CACNA1C: variants seen among roughly 807,000 people sequenced by gnomAD.
The protein encoded by CACNA1C is voltage-dependent L-type calcium channel subunit alpha-1C.
In CACNA1C, 30 loss-of-function variants were observed where a neutral mutation model predicts 229.0. That is an observed-to-expected ratio of 0.13 (90% CI 0.10 to 0.18). The LOEUF (loss-of-function observed/expected upper bound fraction) is 0.18, where lower values mean the gene tolerates loss of function less well. Ranked by LOEUF, CACNA1C falls within the 10% of genes least tolerant of loss-of-function variation. The probability of loss-of-function intolerance (pLI) is 1.00; values close to 1 mark genes in which losing one functional copy is unlikely to be tolerated. For missense variants in CACNA1C, 1,658 were observed against 2,845.0 expected (o/e 0.58, Z 9.49); for synonymous variants, 1,114 against 1,132.5 (o/e 0.98, Z 0.33).
intron 9 of CACNA1C, among the ~76,000 whole-genome samples, chr12:2,523,316 A>T (rs2099813418): frequency 6.6e-6 from 1 of 152,142 alleles, no homozygotes; most frequent in South Asian, 2.1e-4. Context: ...ATGGTTTAAG[A>T]GGCAGTTTTG....
intron 3 of CACNA1C, among the ~76,000 whole-genome samples, chr12:2,163,778 T>C (rs2096053136): frequency 6.6e-6 from 1 of 152,068 alleles, no homozygotes; most frequent in South Asian, 2.1e-4. Context: ...GGCATTCCAG[T>C]GATGATGATG....
intron 5 of CACNA1C, among the ~76,000 whole-genome samples, chr12:2,477,861 C>T (rs1417226894): frequency 1.3e-5 from 2 of 152,006 alleles, no homozygotes; most frequent in Non-Finnish European, 2.9e-5. Flanking sequence ...ATAAAAAGCA[C>T]CAGTCATCTC....
chr12:2,139,695 C>T (rs2238038), intron 3 of CACNA1C, among the ~76,000 whole-genome samples: 5,877 of 151,258 alleles, frequency 0.039, 385 homozygotes, highest in African/African-American at 0.12. Flanking sequence ...AGATCTCTTG[C>T]GCCCCTGAGG....
chr12:2,523,161 G>A (rs1408590839), intron 9 of CACNA1C, among the ~76,000 whole-genome samples: 1 of 151,204 alleles, frequency 6.6e-6, no homozygotes, highest in Non-Finnish European at 1.5e-5. Context: ...GGGCGGTGGT[G>A]CTGGTAGTAG....
intron 3 of CACNA1C, among the ~76,000 whole-genome samples, chr12:2,234,702 A>G (rs1226420264): frequency 6.6e-6 from 1 of 152,070 alleles, no homozygotes; most frequent in Non-Finnish European, 1.5e-5. Flanking sequence ...CGGTTTAGAG[A>G]ACAGCCTCGT....
intron 28 of CACNA1C, 120 bp from the exon 29 acceptor site, chr12:2,611,783 G>A: frequency 1.6e-6 from 1 of 633,948 alleles, no homozygotes; most frequent in Non-Finnish European, 2.8e-6. Context: ...GGCCCTCTGG[G>A]GGTTTGGTTC....
intron 3 of CACNA1C, among the ~76,000 whole-genome samples, chr12:2,405,261 A>G (rs1338511964): frequency 1.3e-5 from 2 of 152,248 alleles, no homozygotes; most frequent in African/African-American, 2.4e-5. Flanking sequence ...ACGATGGCAC[A>G]GTATCAAAAC....
intron 5 of CACNA1C, among the ~76,000 whole-genome samples, chr12:2,462,285 G>GC (rs2099513751): frequency 6.9e-6 from 1 of 145,166 alleles, no homozygotes; most frequent in Non-Finnish European, 1.5e-5. Flanking sequence ...CACTTCCTCG[G>GC]CACCCCCTCG....
At position 2,403,995 on chromosome 12, in the gene CACNA1C, G is replaced by T. The variant is rs1379694215; in HGVS notation, c.478-44981G>T. Reference sequence around the variant, plus strand: ...TTGCTGTGTACCAGGGCACACTGTGGGCTCCGTCCAGCCAGGCAGGGCCTG... The same window carrying T: ...TTGCTGTGTACCAGGGCACACTGTGTGCTCCGTCCAGCCAGGCAGGGCCTG... On this transcript the variant is annotated intron_variant, in intron 3 of 46. Transcript: ENST00000399655. The surrounding 1 kb of genome is among the most constrained non-coding windows in gnomAD (Gnocchi z 4.1). Among the ~76,000 whole-genome samples the T allele has an allele frequency of 6.6e-6, 1 of 152,186 alleles. No individual in the cohort carries two copies. The highest frequency in any genetic ancestry group is 1.5e-5 in the Non-Finnish European group (1 of 68,026).
rs1391572701 is a variant in CACNA1C, at chr12:2,346,720, C to T, written c.478-102256C>T. 1.3e-5 allele frequency among the ~76,000 whole-genome samples: 2 copies of T among 152,138 alleles called. No individual in the cohort carries two copies. The highest frequency in any genetic ancestry group is 2.9e-5 in the Non-Finnish European group (2 of 68,032). On this transcript the variant is annotated intron_variant, in intron 3 of 46. Transcript: ENST00000399655. The surrounding 1 kb of genome is among the most constrained non-coding windows in gnomAD (Gnocchi z 4.4). Reference sequence around the variant, plus strand: ...GGGAATTGGAAGGCCTTAAAAGGAACATTTAGAAATCAGGAGTCAAACGTG... The same window carrying T: ...GGGAATTGGAAGGCCTTAAAAGGAATATTTAGAAATCAGGAGTCAAACGTG...
At chr12:2,681,564 G>A (rs1323203265) in intron 42 of CACNA1C, among the ~76,000 whole-genome samples, 2 of 152,188 alleles carry the variant, frequency 1.3e-5, no homozygotes, top group Non-Finnish European at 1.5e-5. Flanking sequence ...CTGCCTGCCT[G>A]CTGCTGCTCT....
chr12:2,555,311 C>T (rs955104495), intron 10 of CACNA1C, among the ~76,000 whole-genome samples: 2 of 152,222 alleles, frequency 1.3e-5, no homozygotes, highest in South Asian at 2.1e-4. Context: ...GGCCGGTGGT[C>T]GTCATCAAGG....
intron 3 of CACNA1C, among the ~76,000 whole-genome samples, chr12:2,284,597 G>A (rs976467015): frequency 6.6e-6 from 1 of 152,212 alleles, no homozygotes; most frequent in East Asian, 1.9e-4. Context: ...AAAGAAAAAA[G>A]GTCTGTGAAA....
chr12:2,437,003 T>C (rs1331232597), intron 3 of CACNA1C, among the ~76,000 whole-genome samples: 1 of 152,262 alleles, frequency 6.6e-6, no homozygotes, highest in Non-Finnish European at 1.5e-5. Flanking sequence ...TGTTTCCCAT[T>C]CAACGAGAGA....
chr12:2,342,604 A>G (rs1467069352), intron 3 of CACNA1C, among the ~76,000 whole-genome samples: 2 of 152,186 alleles, frequency 1.3e-5, no homozygotes, highest in African/African-American at 2.4e-5. Flanking sequence ...TGTCATACTG[A>G]AGCCCCCTGG....
At chr12:2,031,707 T>C (rs1469872339) in intron 1 of CACNA1C, among the ~76,000 whole-genome samples, 1 of 152,170 alleles carries the variant, frequency 6.6e-6, no homozygotes, top group African/African-American at 2.4e-5. Flanking sequence ...GTATCCCAAA[T>C]CAAATTCATG....
At chr12:2,540,888 G>A (rs1239982043) in intron 9 of CACNA1C, among the ~76,000 whole-genome samples, 1 of 152,212 alleles carries the variant, frequency 6.6e-6, no homozygotes, top group Non-Finnish European at 1.5e-5. Context: ...CCAGGAGCTG[G>A]AACAGCAGGA....
intron 1 of CACNA1C, among the ~76,000 whole-genome samples, chr12:2,090,882 C>T (rs1202622938): frequency 6.6e-6 from 1 of 152,100 alleles, no homozygotes; most frequent in Non-Finnish European, 1.5e-5. Flanking sequence ...CTTATTCCTC[C>T]ACATCCTCGC....
intron 3 of CACNA1C, among the ~76,000 whole-genome samples, chr12:2,164,004 C>T (rs535889897): frequency 1.2e-4 from 18 of 152,224 alleles, no homozygotes; most frequent in South Asian, 4.1e-4. Flanking sequence ...CCAAGCTGCC[C>T]GCCACCTTGC....
Sources: allele counts gnomAD v4.1 joint callset (sites outside exome capture counted in the v4.1 genomes callset), GRCh38; gene constraint gnomAD v4.1.1; non-coding constraint Gnocchi (gnomAD v3.1); transcripts MANE v1.5; gene names NCBI Gene and HGNC (gene_info 2026-07-23, HGNC 2026-07-21).